SP100: variants seen among roughly 807,000 people sequenced by gnomAD.
SP100 encodes the protein nuclear autoantigen Sp-100.
SP100 carries 84 observed loss-of-function variants against 130.0 expected under a neutral mutation model. The observed-to-expected ratio is 0.65, with a 90% CI of 0.54 to 0.77. SP100 has a LOEUF of 0.77. SP100 is among the 30% of genes least tolerant of loss of function. SP100 has a pLI of 0.00. For synonymous variants in SP100, 331 were observed against 351.7 expected (o/e 0.94, Z 0.66); for missense variants, 978 against 1,052.2 (o/e 0.93, Z 0.97).
At position 230,421,504 on chromosome 2, in the gene SP100, C is replaced by CATATATATATAT. The variant is rs55963279; in HGVS notation, c.107+3846_107+3857dup. On this transcript the variant is annotated intron_variant, in intron 2 of 28. Transcript: ENST00000340126. ...TGACTAAGAGTTTATAGAAGATATA[C>CATATATATATAT]ATATATATATATATATATCCTACCT... is the stretch of plus-strand genomic sequence containing the variant. Among the ~76,000 whole-genome samples, 325 of 146,272 alleles carry CATATATATATAT rather than the reference C, an allele frequency of 2.2e-3. 2 individuals are homozygous for CATATATATATAT. The highest frequency in any genetic ancestry group is 4.7e-3 in the Admixed American group (69 of 14,654).
At chr2:230,458,096 G>C (rs1179460676) in intron 8 of SP100, among the ~76,000 whole-genome samples, 1 of 149,356 alleles carries the variant, frequency 6.7e-6, no homozygotes, top group Non-Finnish European at 1.5e-5. Flanking sequence ...TTGACCCCTG[G>C]ACACTGTGGG....
chr2:230,422,315 G>T (rs2149858315), intron 2 of SP100, among the ~76,000 whole-genome samples: 1 of 152,158 alleles, frequency 6.6e-6, no homozygotes, highest in South Asian at 2.1e-4. Flanking sequence ...TCCATTATTT[G>T]CTTGTTCTGG....
intron 8 of SP100, 125 bp from the exon 9 acceptor site, chr2:230,461,136 GA>G (rs1179238871): frequency 2.3e-6 from 2 of 859,884 alleles, no homozygotes; most frequent in Middle Eastern, 6.4e-4. Context: ...TGAGCAAAAG[GA>G]AAAACACGGA....
At chr2:230,526,452 G>A (rs898340062) in intron 24 of SP100, among the ~76,000 whole-genome samples, 3 of 152,154 alleles carry the variant, frequency 2.0e-5, no homozygotes, top group Non-Finnish European at 2.9e-5. Flanking sequence ...CCACAAAGAT[G>A]GGGAGAAACC....
intron 20 of SP100, among the ~76,000 whole-genome samples, chr2:230,503,747 C>A (rs2067169775): frequency 6.6e-6 from 1 of 152,192 alleles, no homozygotes; most frequent in Admixed American, 6.5e-5. Flanking sequence ...ACAGATGCCA[C>A]CCCGAAAGGT....
chr2:230,507,010 C>G (rs1690163994), intron 22 of SP100: 1 of 152,266 alleles, frequency 6.6e-6, no homozygotes, highest in Admixed American at 6.6e-5. Flanking sequence ...GCAGATGAAC[C>G]TGTGTCTTTA....
intron 2 of SP100, among the ~76,000 whole-genome samples, chr2:230,425,941 T>C (rs894056271): frequency 6.6e-6 from 1 of 152,158 alleles, no homozygotes; most frequent in Non-Finnish European, 1.5e-5. Context: ...ATTATTGGTC[T>C]GTTCAGATTA....
rs764283495 is a variant in SP100 at position 230,444,339 on chromosome 2, T to C, written c.432T>C (p.Phe144=). Reference sequence around the variant, plus strand: ...ATTTAATTCACATTTATAAAGGCTTTGAAAATGGTAATTAGATTTATTATC... The same window carrying C: ...ATTTAATTCACATTTATAAAGGCTTCGAAAATGGTAATTAGATTTATTATC... The part of the protein sequence containing the change: ...YPDLIHIYKG[F]ENVIHDKLPL... Residue 144 remains phenylalanine (F), a synonymous_variant, in exon 4 of 29, where the codon TTT becomes TTC. Coordinates refer to ENST00000340126, the MANE Select transcript of SP100 (RefSeq NM_001080391.2). The C allele has an allele frequency of 6.2e-7, 1 of 1,610,662 alleles. No homozygotes were observed. The highest frequency in any genetic ancestry group is 1.7e-5 in the Admixed American group (1 of 58,886).
rs1690101649 is a variant in SP100, at chr2:230,506,293, G to T, written c.1871-10G>T. 6.2e-7 allele frequency: 1 copy of T among 1,613,104 alleles called. No individual in the cohort carries two copies. The stretch of plus-strand genomic sequence containing the variant: ...ACAGTTGGGGAGCTCACTTTGCCTT[G>T]GTCTTACAGGAACCTCAAAGAAGTG... On this transcript the variant is annotated splice_polypyrimidine_tract_variant and intron_variant, in intron 21 of 28. Transcript: ENST00000340126.
At chr2:230,538,985 T>C (rs1692057977) in intron 24 of SP100, 2 of 270,370 alleles carry the variant, frequency 7.4e-6, no homozygotes, top group Non-Finnish European at 1.5e-5. Context: ...TTCCCAGCTG[T>C]TTAATAAATT....
Position 230,504,256 on chromosome 2 carries a change from G to A in SP100, c.1836G>A (p.Val612=). 1 of 1,610,886 alleles carries A rather than the reference G, an allele frequency of 6.2e-7. No homozygotes were observed. Among genetic ancestry groups the A allele is most frequent in the South Asian group, 1.1e-5 (1 of 90,864 alleles). The change falls in exon 21 of 29, where the codon GTG becomes GTA. Residue 612 remains valine, a synonymous_variant. Transcript: ENST00000340126. The part of the protein sequence containing the change: ...QSELPVTCGE[V]KGTLYKERFK... ...AACTTCCTGTGACCTGTGGTGAGGT[G>A]AAGGGCACTCTATATAAGGAGCGAT... is the stretch of plus-strand genomic sequence containing the variant.
chr2:230,494,452 T>A lies in SP100; in HGVS notation c.1637T>A (p.Leu546His). Reference sequence around the variant, plus strand: ...AGGCATAGATCTAAAGTAAATGGTCTCCAAAGAGGTAAGAAGAAATGTGGG... The same window carrying A: ...AGGCATAGATCTAAAGTAAATGGTCACCAAAGAGGTAAGAAGAAATGTGGG... ...KRRHRSKVNG[L>H]QRGRKKDRPR... Residue 546 changes from leucine (L) to histidine (H), a missense_variant, in exon 18 of 29, where the codon CTC (leucine) becomes CAC (histidine). Transcript: ENST00000340126. The A allele has an allele frequency of 2.5e-6, 4 of 1,607,724 alleles. No individual in the cohort carries two copies. The highest frequency in any genetic ancestry group is 3.4e-6 in the Non-Finnish European group (4 of 1,174,244).
intron 17 of SP100, among the ~76,000 whole-genome samples, chr2:230,492,595 T>C (rs1012029106): frequency 6.6e-6 from 1 of 152,184 alleles, no homozygotes; most frequent in African/African-American, 2.4e-5. Context: ...CATGAGCCAC[T>C]GCACCTAACC....
At chr2:230,488,886 G>C (rs1038931503) in intron 17 of SP100, among the ~76,000 whole-genome samples, 1 of 151,704 alleles carries the variant, frequency 6.6e-6, no homozygotes, top group Admixed American at 6.6e-5. Flanking sequence ...TGATCATGAT[G>C]GATATGTTTT....
chr2:230,450,156 T>C lies in SP100; in HGVS notation c.737-16T>C. On this transcript the variant is annotated splice_polypyrimidine_tract_variant and intron_variant, in intron 7 of 28. Transcript: ENST00000340126. ...AGGCTCTACTGGATCTCAGCTGTGA[T>C]CTCGTTTATCTCCAGAGTCCTGCGA... The C allele has an allele frequency of 4.4e-6, 7 of 1,594,424 alleles. No individual in the cohort carries two copies. The highest frequency in any genetic ancestry group is 6.0e-6 in the Non-Finnish European group (7 of 1,162,514).
At chr2:230,528,594 A>T (rs1691544924) in intron 24 of SP100, among the ~76,000 whole-genome samples, 1 of 152,228 alleles carries the variant, frequency 6.6e-6, no homozygotes, top group Non-Finnish European at 1.5e-5. Context: ...GAACTGAAGG[A>T]GATAGAGACA....
chr2:230,436,974 G>GTA (rs2063310918), intron 2 of SP100, among the ~76,000 whole-genome samples: 1 of 141,756 alleles, frequency 7.1e-6, no homozygotes, highest in Non-Finnish European at 1.6e-5. Flanking sequence ...ATATATATGT[G>GTA]TATACACACA....
rs1368575850 is a variant in SP100 at position 230,473,454 on chromosome 2, A to G, written c.1546+14A>G. The G allele has an allele frequency of 2.6e-6, 4 of 1,525,934 alleles. No individual in the cohort carries two copies. In the South Asian group the frequency reaches 3.4e-5, roughly 13 times the overall value. 94.5% of individuals were successfully genotyped at this position (1,525,934 alleles called of 1,614,324 possible). ...CTGACATGATGGGTAAGGCTACCCTAGGGTCTTGGGATGGAAGTGGCTCAG... is the reference window on the plus strand; with the variant it reads ...CTGACATGATGGGTAAGGCTACCCTGGGGTCTTGGGATGGAAGTGGCTCAG... On this transcript the variant is annotated intron_variant, in intron 16 of 28. Transcript: ENST00000340126.
Position 230,461,237 on chromosome 2 carries a change from A to C in SP100, c.821-25A>C, listed in dbSNP as rs747966975. ...AGGAGGTTCACTGGGGACACAAATGAAAATTCTTCATTTATTACAATTAGG... is the reference window on the plus strand; with the variant it reads ...AGGAGGTTCACTGGGGACACAAATGCAAATTCTTCATTTATTACAATTAGG... On this transcript the variant is annotated intron_variant, in intron 8 of 28. Coordinates refer to ENST00000340126, the MANE Select transcript of SP100 (RefSeq NM_001080391.2). 9.9e-6 allele frequency: 16 copies of C among 1,610,180 alleles called. No individual in the cohort carries two copies. In the South Asian group the frequency reaches 1.7e-4, roughly 17 times the overall value.
Sources: allele counts gnomAD v4.1 joint callset (sites outside exome capture counted in the v4.1 genomes callset), GRCh38; gene constraint gnomAD v4.1.1; transcripts MANE v1.5; gene names NCBI Gene and HGNC (gene_info 2026-07-23, HGNC 2026-07-21).